HIVEP3: variants seen among roughly 807,000 people sequenced by gnomAD.
The protein encoded by HIVEP3 is transcription factor HIVEP3.
A neutral mutation model predicts 152.8 loss-of-function variants in HIVEP3; 49 were observed. That is an observed-to-expected ratio of 0.32 (90% confidence interval 0.26 to 0.41). HIVEP3 has a LOEUF of 0.41. Among genes scored for constraint, HIVEP3 ranks in the 10% least tolerant of loss-of-function variants. HIVEP3 has a pLI of 1.00. For missense variants in HIVEP3, 2,790 were observed against 3,103.3 expected (o/e 0.90, Z 2.40); for synonymous variants, 1,269 against 1,289.0 (o/e 0.98, Z 0.33).
chr1:41,544,608 ATCACCG>A (rs201327593), intron 5 of HIVEP3, among the ~76,000 whole-genome samples: 1 of 150,056 alleles, frequency 6.7e-6, no homozygotes, highest in African/African-American at 2.5e-5. Context: ...CACCACCACC[ATCACCG>A]CCACCACTAT....
chr1:41,667,870 C>T (rs1027505956), intron 2 of HIVEP3, among the ~76,000 whole-genome samples: 6 of 152,030 alleles, frequency 3.9e-5, no homozygotes, highest in African/African-American at 1.4e-4. Context: ...AAAGAAGCCC[C>T]CCCCAAGCCC....
In HIVEP3 at chr1:41,581,475, C is replaced by G. The variant is rs141023252; in HGVS notation, c.3323G>C (p.Arg1108Thr). The change falls in exon 4 of 9, where the codon AGG (arginine) becomes ACG (threonine). Residue 1108 changes from arginine (R) to threonine (T), a missense_variant. Around this residue, in one of 9 missense-constraint regions of HIVEP3, gnomAD observed 1,078 missense variants for 1,165.3 expected, o/e 0.93. Transcript: ENST00000372583. The surrounding 1 kb of genome is among the most constrained non-coding windows in gnomAD (Gnocchi z 4.5). ...GGGCACAGTGGGCCCCAATGGGGGC[C>G]TGTCCTGCCCTGGGCCCTTGCCTCC... ...PPGGKGPGQD[R>T]PPLGPTVPYT... 6.4e-7 allele frequency: 1 copy of G among 1,568,752 alleles called. No homozygotes were observed.
intron 1 of HIVEP3, among the ~76,000 whole-genome samples, chr1:41,980,946 G>A (rs556027924): frequency 3.9e-5 from 6 of 152,336 alleles, no homozygotes; most frequent in African/African-American, 1.4e-4. Flanking sequence ...TGGGCCTGCT[G>A]GTGTCTGGGC....
At chr1:41,614,751 T>C (rs1644943722) in intron 3 of HIVEP3, among the ~76,000 whole-genome samples, 2 of 152,182 alleles carry the variant, frequency 1.3e-5, no homozygotes, top group Non-Finnish European at 1.5e-5. Flanking sequence ...GGTAGCTCTC[T>C]TGGGGCCATG....
chr1:41,799,982 C>A (rs12060469), intron 1 of HIVEP3, among the ~76,000 whole-genome samples: 1 of 152,118 alleles, frequency 6.6e-6, no homozygotes, highest in Non-Finnish European at 1.5e-5. Context: ...CTAGGAGCAG[C>A]CTTACCCAAC....
intron 1 of HIVEP3, among the ~76,000 whole-genome samples, chr1:41,861,930 A>C (rs1413638380): frequency 1.3e-5 from 2 of 152,214 alleles, no homozygotes; most frequent in Non-Finnish European, 2.9e-5. Context: ...ACGGGAGAGA[A>C]AGAAATAGAT....
At chr1:42,008,831 G>C (rs1645476567) in intron 1 of HIVEP3, among the ~76,000 whole-genome samples, 1 of 152,136 alleles carries the variant, frequency 6.6e-6, no homozygotes, top group African/African-American at 2.4e-5. Context: ...TTGTCCGTGT[G>C]TCCACAGGCA....
intron 6 of HIVEP3, among the ~76,000 whole-genome samples, chr1:41,521,375 C>T (rs958958806): frequency 6.6e-6 from 1 of 152,230 alleles, no homozygotes; most frequent in African/African-American, 2.4e-5. Context: ...CAGGGAGCCC[C>T]CCATAGGCCT....
intron 1 of HIVEP3, among the ~76,000 whole-genome samples, chr1:42,026,963 T>C (rs933688643): frequency 1.3e-5 from 2 of 152,202 alleles, no homozygotes; most frequent in Non-Finnish European, 2.9e-5. Context: ...CTTCATTTCC[T>C]CAATGGCTTC....
intron 7 of HIVEP3, among the ~76,000 whole-genome samples, chr1:41,516,696 C>T (rs1642617216): frequency 6.6e-6 from 1 of 152,180 alleles, no homozygotes; most frequent in Admixed American, 6.5e-5. Flanking sequence ...GAACCGGCTG[C>T]CCCCGCGTCC....
intron 1 of HIVEP3, among the ~76,000 whole-genome samples, chr1:41,770,062 G>A (rs1410119122): frequency 4.6e-5 from 7 of 152,064 alleles, no homozygotes; most frequent in South Asian, 2.1e-4. Flanking sequence ...TCTGCCTCCC[G>A]GGTTCACACC....
At chr1:41,545,458 C>CCAT (rs1174495463) in intron 5 of HIVEP3, among the ~76,000 whole-genome samples, 1 of 80,168 alleles carries the variant, frequency 1.2e-5, no homozygotes, top group Non-Finnish European at 2.7e-5. Flanking sequence ...ACCATTGCTA[C>CCAT]CATCACCACC....
chr1:41,556,141 C>T (rs1643962425), intron 5 of HIVEP3, among the ~76,000 whole-genome samples: 1 of 152,112 alleles, frequency 6.6e-6, no homozygotes, highest in African/African-American at 2.4e-5. Context: ...GTGGTATGTA[C>T]TTGGATGTGG....
chr1:41,523,908 T>C (rs1451943454), intron 6 of HIVEP3, among the ~76,000 whole-genome samples: 1 of 152,176 alleles, frequency 6.6e-6, no homozygotes, highest in Admixed American at 6.5e-5. Context: ...GGCGCTTCAG[T>C]CTGCAGTGAG....
chr1:42,028,986 AT>A (rs1645597377), intron 1 of HIVEP3, among the ~76,000 whole-genome samples: 1 of 152,216 alleles, frequency 6.6e-6, no homozygotes. Flanking sequence ...AGAAATCTAT[AT>A]TTTAGTGTGA....
intron 1 of HIVEP3, among the ~76,000 whole-genome samples, chr1:41,746,093 C>T (rs1186242244): frequency 1.3e-5 from 2 of 152,194 alleles, no homozygotes; most frequent in Admixed American, 1.3e-4. Context: ...CCTTTTGTTC[C>T]ACTCTGAAGC....
Position 41,904,344 on chromosome 1 carries a change from GT to G in HIVEP3, c.-801+14068del, listed in dbSNP as rs1644676123. Among the ~76,000 whole-genome samples the G allele has an allele frequency of 5.3e-5, 8 of 152,282 alleles. No homozygotes were observed. In the South Asian group the frequency reaches 1.7e-3, roughly 32 times the overall value. On this transcript the variant is annotated intron_variant, in intron 1 of 8. Coordinates refer to ENST00000372583, the MANE Select transcript of HIVEP3 (RefSeq NM_024503.5). ...CTCTGAAGCCTCAATTCCCTTGACT[GT>G]AAAAGAGGTCCTGACCTTGGCTGCA... is the stretch of plus-strand genomic sequence containing the variant.
chr1:41,522,303 CAG>C (rs1272457964), intron 6 of HIVEP3, among the ~76,000 whole-genome samples: 1 of 152,258 alleles, frequency 6.6e-6, no homozygotes, highest in Non-Finnish European at 1.5e-5. Context: ...AGAGAGTTAA[CAG>C]GGAGACTTCC....
rs191747794 is a variant in HIVEP3 at position 41,711,259 on chromosome 1, G to A, written c.-800-10264C>T. ...ACCCAGAAGAACAGGCAGAGGGTAC[G>A]GGGAGGCCAGGAAGAGGCCAGAAAT... On this transcript the variant is annotated intron_variant, in intron 1 of 8. Transcript: ENST00000372583. Among the ~76,000 whole-genome samples the A allele has an allele frequency of 7.9e-4, 120 of 152,348 alleles. 3 individuals are homozygous for A. In the East Asian group the frequency reaches 0.018, roughly 22 times the overall value.
Sources: allele counts gnomAD v4.1 joint callset (sites outside exome capture counted in the v4.1 genomes callset), GRCh38; gene constraint gnomAD v4.1.1; regional missense constraint gnomAD v4.1.1; non-coding constraint Gnocchi (gnomAD v3.1); transcripts MANE v1.5; gene names NCBI Gene and HGNC (gene_info 2026-07-23, HGNC 2026-07-21).